COMMD10: variants seen among roughly 807,000 people sequenced by gnomAD.
The protein encoded by COMMD10 is COMM domain-containing protein 10.
A neutral mutation model predicts 28.9 loss-of-function variants in COMMD10; 33 were observed. The ratio of observed to expected loss-of-function variants is 1.14; its 90% CI spans 0.87 to 1.53. The LOEUF (loss-of-function observed/expected upper bound fraction) is 1.53, where lower values mean the gene tolerates loss of function less well. COMMD10 is among the 40% of genes most tolerant of loss of function. COMMD10 has a pLI of 0.00. For synonymous variants in COMMD10, 110 were observed against 81.7 expected, an observed-to-expected ratio of 1.35 and a Z score of -1.87; for missense variants, 310 against 233.4, an observed-to-expected ratio of 1.33 and a Z score of -2.14.
intron 5 of COMMD10, among the ~76,000 whole-genome samples, chr5:116,163,116 A>G (rs1752971601): frequency 6.6e-6 from 1 of 151,492 alleles, no homozygotes; most frequent in African/African-American, 2.4e-5. Context: ...TTATTTTACC[A>G]GAGTGAGTAA....
chr5:116,267,958 T>A (rs1007339515), intron 5 of COMMD10, among the ~76,000 whole-genome samples: 2 of 151,820 alleles, frequency 1.3e-5, no homozygotes, highest in African/African-American at 4.9e-5. Flanking sequence ...TCGAGATGGA[T>A]TAAAGACTTA....
chr5:116,192,269 C>G (rs1162256866), intron 5 of COMMD10, among the ~76,000 whole-genome samples: 1 of 150,632 alleles, frequency 6.6e-6, no homozygotes, highest in Admixed American at 6.6e-5. Flanking sequence ...ACAACCCCCC[C>G]CCCCAAAAAT....
At chr5:116,158,854 T>TTG (rs1404048092) in intron 5 of COMMD10, among the ~76,000 whole-genome samples, 3 of 151,724 alleles carry the variant, frequency 2.0e-5, no homozygotes, top group African/African-American at 7.3e-5. Context: ...AACAGTTGTT[T>TTG]TTTTTTTTCC....
intron 5 of COMMD10, among the ~76,000 whole-genome samples, chr5:116,175,748 C>T (rs1159183254): frequency 6.6e-6 from 1 of 152,066 alleles, no homozygotes; most frequent in East Asian, 1.9e-4. Flanking sequence ...TGAAGACATT[C>T]AGCTAAGTAA....
At chr5:116,116,813 G>T (rs1272260790) in intron 4 of COMMD10, among the ~76,000 whole-genome samples, 1 of 151,414 alleles carries the variant, frequency 6.6e-6, no homozygotes, top group Non-Finnish European at 1.5e-5. Flanking sequence ...CCGCTTCCCG[G>T]GTTCACGCCA....
At chr5:116,160,557 G>C (rs1454505108) in intron 5 of COMMD10, among the ~76,000 whole-genome samples, 1 of 152,198 alleles carries the variant, frequency 6.6e-6, no homozygotes, top group Admixed American at 6.6e-5. Context: ...TTAACAGCTG[G>C]TTTGATTGCA....
At chr5:116,261,677 C>A (rs1420664197) in intron 5 of COMMD10, among the ~76,000 whole-genome samples, 1 of 151,654 alleles carries the variant, frequency 6.6e-6, no homozygotes, top group Non-Finnish European at 1.5e-5. Context: ...TGCATATGTA[C>A]AGATTTCTGG....
rs185683860 is a variant in COMMD10, at chr5:116,261,857, C to G, written c.511-29660C>G. ...CCTTTGGTTCCACTGGCCAGCCATT[C>G]TTAACTGTTTCGGTTTCAGAAATAT... On this transcript the variant is annotated intron_variant, in intron 5 of 6. Coordinates refer to ENST00000274458, the MANE Select transcript of COMMD10 (RefSeq NM_016144.4). Among the ~76,000 whole-genome samples the G allele has an allele frequency of 2.0e-3, 298 of 151,850 alleles. 2 individuals carry two copies. The highest frequency in any genetic ancestry group is 6.8e-3 in the Middle Eastern group (2 of 294).
intron 4 of COMMD10, among the ~76,000 whole-genome samples, chr5:116,128,853 T>G (rs1561618864): frequency 6.6e-6 from 1 of 151,996 alleles, no homozygotes; most frequent in East Asian, 1.9e-4. Flanking sequence ...TGATCAGATT[T>G]AGATTGTGAT....
intron 5 of COMMD10, among the ~76,000 whole-genome samples, chr5:116,268,033 G>A (rs1353023988): frequency 1.3e-5 from 2 of 151,700 alleles, no homozygotes; most frequent in East Asian, 1.9e-4. Context: ...CAGGACATAG[G>A]CATGGGCAAG....
intron 5 of COMMD10, among the ~76,000 whole-genome samples, chr5:116,245,062 ATT>A (rs1749907692): frequency 6.6e-6 from 1 of 151,512 alleles, no homozygotes; most frequent in African/African-American, 2.4e-5. Context: ...GAAAAAAAAA[ATT>A]AATAAAATAC....
rs370554401 is a variant in COMMD10, at chr5:116,222,297, T to C, written c.511-69220T>C. On this transcript the variant is annotated intron_variant, in intron 5 of 6. Transcript: ENST00000274458. The stretch of plus-strand genomic sequence containing the variant: ...CCTTAACAAAACTTAGTTTTGACTA[T>C]TGGAATTAAATTTTAATATTTTAAT... Among the ~76,000 whole-genome samples, 6 of 152,328 alleles carry C rather than the reference T, an allele frequency of 3.9e-5. 1 individual carries two copies. Among genetic ancestry groups the C allele is most frequent in the African/African-American group, 1.4e-4 (6 of 41,576 alleles).
chr5:116,157,656 A>G (rs1446304443), intron 5 of COMMD10, among the ~76,000 whole-genome samples: 1 of 152,188 alleles, frequency 6.6e-6, no homozygotes, highest in Non-Finnish European at 1.5e-5. Context: ...GTAGATTCTA[A>G]TTGTTGATGG....
chr5:116,237,829 C>A (rs1007349222), intron 5 of COMMD10, among the ~76,000 whole-genome samples: 1 of 152,116 alleles, frequency 6.6e-6, no homozygotes, highest in Non-Finnish European at 1.5e-5. Context: ...AATCTCTGAT[C>A]TGTACTAATA....
At chr5:116,287,212 C>T (rs954636849) in intron 5 of COMMD10, among the ~76,000 whole-genome samples, 21 of 151,636 alleles carry the variant, frequency 1.4e-4, no homozygotes, top group Non-Finnish European at 1.5e-5. Flanking sequence ...TTTCAAAAAA[C>T]TGTGACAACA....
chr5:116,193,198 A>G (rs1748416883), intron 5 of COMMD10, among the ~76,000 whole-genome samples: 1 of 152,214 alleles, frequency 6.6e-6, no homozygotes, highest in African/African-American at 2.4e-5. Flanking sequence ...ACACATTAAA[A>G]CAGAACCTCT....
intron 5 of COMMD10, among the ~76,000 whole-genome samples, chr5:116,222,519 T>TACCCCATATACC (rs1749287263): frequency 6.6e-6 from 1 of 152,158 alleles, no homozygotes; most frequent in Non-Finnish European, 1.5e-5. Flanking sequence ...TAAAGTCTAC[T>TACCCCATATACC]TGTATTTGTA....
At chr5:116,097,860 G>A (rs1424656024) in intron 4 of COMMD10, among the ~76,000 whole-genome samples, 1 of 151,986 alleles carries the variant, frequency 6.6e-6, no homozygotes, top group Non-Finnish European at 1.5e-5. Context: ...CAGGTCTTGC[G>A]AGAACTCAAC....
chr5:116,235,864 C>T (rs893530329), intron 5 of COMMD10, among the ~76,000 whole-genome samples: 6 of 152,150 alleles, frequency 3.9e-5, no homozygotes, highest in Admixed American at 2.0e-4. Context: ...TCGCTTGATA[C>T]TTGCTCAGCC....
Sources: gnomAD v4.1 joint callset for allele counts (sites outside exome capture counted in the v4.1 genomes callset) on GRCh38, gnomAD v4.1.1 for gene constraint, MANE v1.5 for transcripts, NCBI Gene and HGNC (gene_info 2026-07-23, HGNC 2026-07-21) for gene names.